The following OSMR variants were observed in gnomAD, a reference collection of about 807,000 sequenced individuals.
OSMR encodes the protein oncostatin-M-specific receptor subunit beta.
Under a neutral mutation model 99.9 loss-of-function variants are expected in OSMR, and 81 were observed. The ratio of observed to expected loss-of-function variants is 0.81; its 90% CI spans 0.68 to 0.97. The LOEUF is 0.97. Among genes scored for constraint, OSMR ranks in the 50% least tolerant of loss-of-function variants. OSMR has a pLI of 0.00. For missense variants in OSMR, 1,099 were observed against 1,153.4 expected, an observed-to-expected ratio of 0.95 and a Z score of 0.68; for synonymous variants, 406 against 410.4, an observed-to-expected ratio of 0.99 and a Z score of 0.13.
intron 11 of OSMR, among the ~76,000 whole-genome samples, chr5:38,920,256 A>G (rs115799115): frequency 2.6e-5 from 4 of 152,192 alleles, no homozygotes; most frequent in East Asian, 1.9e-4. Context: ...TTGTTTCTAC[A>G]TCACCAGCAT....
Position 38,933,313 on chromosome 5 carries a change from G to C in OSMR, c.2809G>C (p.Val937Leu). Residue 937 changes from valine (V) to leucine (L), a missense_variant, in exon 18 of 18, where the codon GTA (valine) becomes CTA (leucine). Transcript: ENST00000274276. ...GDKDSLPTNP[V>L]EAPHCSEYKM... ...CAAGGACAGTCTCCCAACAAACCCA[G>C]TAGAGGCACCACACTGTTCAGAGTA... is the stretch of plus-strand genomic sequence containing the variant. 6.2e-7 allele frequency: 1 copy of C among 1,614,188 alleles called. No individual in the cohort carries two copies. The highest frequency in any genetic ancestry group is 1.3e-5 in the African/African-American group (1 of 75,062).
rs752350312 is a variant in OSMR at position 38,933,386 on chromosome 5, C to T, written c.2882C>T (p.Thr961Ile). Reference protein sequence around the residue: ...VSLRLALPPPTENSSLSSITL... With the variant: ...VSLRLALPPPIENSSLSSITL... ...CTGCGTCTTGCCTTGCCTCCCCCGA[C>T]CGAGAATAGCAGCCTCTCCTCAATT... Residue 961 changes from threonine (T) to isoleucine (I), a missense_variant, in exon 18 of 18, where the codon ACC becomes ATC. Thr to Ile is a moderately conservative substitution (Grantham distance 89, BLOSUM62 -1). Coordinates refer to ENST00000274276, the MANE Select transcript of OSMR (RefSeq NM_003999.3). The T allele has an allele frequency of 1.9e-5, 30 of 1,613,906 alleles. No individual in the cohort carries two copies. The highest frequency in any genetic ancestry group is 2.5e-5 in the Non-Finnish European group (29 of 1,179,920).
At chr5:38,914,014 C>T (rs1341798275) in intron 9 of OSMR, among the ~76,000 whole-genome samples, 2 of 152,176 alleles carry the variant, frequency 1.3e-5, no homozygotes, top group Non-Finnish European at 2.9e-5. Flanking sequence ...TGCTTCAGAT[C>T]TCAAATGCAA....
intron 17 of OSMR, 159 bp downstream of exon 17, chr5:38,932,694 G>A: frequency 3.0e-6 from 3 of 985,288 alleles, no homozygotes; most frequent in Non-Finnish European, 3.6e-6. Context: ...TTGGAGCTTT[G>A]ATTTCTTCTG....
rs1561409827 is a variant in OSMR, at chr5:38,925,201, C to T, written c.2045-3C>T. On this transcript the variant is annotated splice_region_variant and splice_polypyrimidine_tract_variant and intron_variant, in intron 14 of 17. Transcript: ENST00000274276. Reference sequence around the variant, plus strand: ...GAAAAAAAAACCATTTAAAAAATCACAGATGGTTCAGAATGTTGCAAATAC... The same window carrying T: ...GAAAAAAAAACCATTTAAAAAATCATAGATGGTTCAGAATGTTGCAAATAC... 1.2e-6 allele frequency: 2 copies of T among 1,612,422 alleles called. No homozygotes were observed. The highest frequency in any genetic ancestry group is 3.3e-5 in the Admixed American group (2 of 59,850).
intron 10 of OSMR, 34 bp from the exon 11 acceptor site, chr5:38,918,806 C>A: frequency 6.2e-7 from 1 of 1,611,322 alleles, no homozygotes; most frequent in East Asian, 2.2e-5. Context: ...TCAATTAAAA[C>A]CCATTTAAAA....
At position 38,924,226 on chromosome 5, in the gene OSMR, G is replaced by A. The variant is rs551151906; in HGVS notation, c.1871-196G>A. On this transcript the variant is annotated intron_variant, in intron 13 of 17. Coordinates refer to ENST00000274276, the MANE Select transcript of OSMR (RefSeq NM_003999.3). ...TCTGTAAAAGGCAAGACTTGAACAA[G>A]ATTGCTCAACTCCTTCACAGCTCTC... is the stretch of plus-strand genomic sequence containing the variant. The A allele has an allele frequency of 1.4e-5, 11 of 768,290 alleles. No individual in the cohort carries two copies. In the Admixed American group the frequency reaches 1.9e-4, roughly 13 times the overall value. The allele number at this position is 768,290 out of a possible 1,614,324, so 47.6% of individuals were successfully genotyped here. A position where few individuals can be genotyped will look rare whatever the true frequency, so the allele number is the denominator to read the frequency against.
In OSMR at chr5:38,932,921, C is replaced by G. The variant is rs371925153; in HGVS notation, c.2417C>G (p.Ala806Gly). ...IMNVSDCIPDAIEVVSKPEGT... is the reference protein window; with the variant it reads ...IMNVSDCIPDGIEVVSKPEGT... ...AATGTCAGTGACTGTATCCCAGATG[C>G]TATTGAAGTTGTAAGCAAGCCAGAA... The change falls in exon 18 of 18, where the codon GCT becomes GGT. Residue 806 changes from alanine (A) to glycine (G), a missense_variant. Transcript: ENST00000274276. 8.7e-6 allele frequency: 14 copies of G among 1,613,960 alleles called. No individual in the cohort carries two copies. Among genetic ancestry groups the G allele is most frequent in the Non-Finnish European group, 1.2e-5 (14 of 1,179,962 alleles).
rs1288363646 is a variant in OSMR, at chr5:38,925,191, T to TA, written c.2045-7dup. The TA allele has an allele frequency of 3.1e-6, 5 of 1,613,646 alleles. No homozygotes were observed. Among genetic ancestry groups the TA allele is most frequent in the Non-Finnish European group, 4.2e-6 (5 of 1,179,790 alleles). On this transcript the variant is annotated splice_polypyrimidine_tract_variant and intron_variant, in intron 14 of 17. Coordinates refer to ENST00000274276, the MANE Select transcript of OSMR (RefSeq NM_003999.3). ...TTTTTTCCTTGAAAAAAAAACCATTTAAAAAATCACAGATGGTTCAGAATG... is the reference window on the plus strand; with the variant it reads ...TTTTTTCCTTGAAAAAAAAACCATTTAAAAAAATCACAGATGGTTCAGAATG...
At position 38,926,981 on chromosome 5, in the gene OSMR, C is replaced by T. The variant is rs180734111; in HGVS notation, c.2212+1610C>T. On this transcript the variant is annotated intron_variant, in intron 15 of 17. Coordinates refer to ENST00000274276, the MANE Select transcript of OSMR (RefSeq NM_003999.3). The stretch of plus-strand genomic sequence containing the variant: ...GGAGAAATCGGCCAAAACAAAGGAG[C>T]TGCAGGCCCCATGCAAGTTCGAAAT... 1.7e-3 allele frequency among the ~76,000 whole-genome samples: 260 copies of T among 152,320 alleles called. 5 individuals are homozygous for T. Among genetic ancestry groups the T allele is most frequent in the Admixed American group, 0.016 (241 of 15,302 alleles).
At chr5:38,907,135 C>G (rs1187243866) in intron 9 of OSMR, among the ~76,000 whole-genome samples, 2 of 152,132 alleles carry the variant, frequency 1.3e-5, no homozygotes, top group African/African-American at 4.8e-5. Flanking sequence ...ACCTAGAAAA[C>G]CCTACATTAA....
intron 2 of OSMR, among the ~76,000 whole-genome samples, chr5:38,871,988 G>A (rs1297279678): frequency 6.6e-6 from 1 of 152,094 alleles, no homozygotes; most frequent in East Asian, 1.9e-4. Context: ...CCCAAACCTG[G>A]CCTTCTTGGC....
At chr5:38,859,197 T>G (rs1427944562) in intron 1 of OSMR, among the ~76,000 whole-genome samples, 1 of 152,190 alleles carries the variant, frequency 6.6e-6, no homozygotes, top group Non-Finnish European at 1.5e-5. Flanking sequence ...TCAGAAGCGT[T>G]TCTGCTATGT....
chr5:38,922,723 C>T (rs78812536), intron 12 of OSMR, among the ~76,000 whole-genome samples: 1 of 152,144 alleles, frequency 6.6e-6, no homozygotes, highest in African/African-American at 2.4e-5. Context: ...GGATGAAATA[C>T]AAAATTCCTG....
chr5:38,851,646 G>A (rs1474596980), intron 1 of OSMR, among the ~76,000 whole-genome samples: 1 of 152,220 alleles, frequency 6.6e-6, no homozygotes, highest in East Asian at 1.9e-4. Flanking sequence ...GAGGGGCACA[G>A]CTGCACACTG....
At chr5:38,873,215 T>C (rs1481623008) in intron 2 of OSMR, among the ~76,000 whole-genome samples, 1 of 152,226 alleles carries the variant, frequency 6.6e-6, no homozygotes, top group Non-Finnish European at 1.5e-5. Flanking sequence ...ATCTGGCTTC[T>C]TTCACTTAGC....
At chr5:38,927,117 TTCC>T (rs1746507826) in intron 15 of OSMR, among the ~76,000 whole-genome samples, 1 of 152,222 alleles carries the variant, frequency 6.6e-6, no homozygotes, top group African/African-American at 2.4e-5. Flanking sequence ...TCTTGGACAG[TTCC>T]ACCCCTGTGG....
chr5:38,925,430 C>A, intron 15 of OSMR, 59 bp downstream of exon 15: 1 of 1,441,852 alleles, frequency 6.9e-7, no homozygotes, highest in Non-Finnish European at 9.8e-7. Flanking sequence ...TAACAAATTA[C>A]AGAAGTGTTG....
intron 7 of OSMR, among the ~76,000 whole-genome samples, chr5:38,899,939 C>T (rs376149170): frequency 6.6e-6 from 1 of 152,262 alleles, no homozygotes; most frequent in East Asian, 1.9e-4. Context: ...GGTCATCTTT[C>T]CCCAAAGTCT....
Sources: gnomAD v4.1 joint callset for allele counts (sites outside exome capture counted in the v4.1 genomes callset) on GRCh38, gnomAD v4.1.1 for gene constraint, MANE v1.5 for transcripts, NCBI Gene and HGNC (gene_info 2026-07-23, HGNC 2026-07-21) for gene names.